ARHGAP26: variants seen among roughly 807,000 people sequenced by gnomAD.
The protein encoded by ARHGAP26 is Rho GTPase activating protein 26, also known as rho GTPase-activating protein 26.
In ARHGAP26, 38 loss-of-function variants were observed where a neutral mutation model predicts 104.8. That is an observed-to-expected ratio of 0.36 (90% CI 0.28 to 0.48). The LOEUF is 0.48. ARHGAP26 is among the 20% of genes least tolerant of loss of function. The pLI, the probability that ARHGAP26 is intolerant of heterozygous loss-of-function variation, is 0.99. For missense variants in ARHGAP26, 704 were observed against 947.9 expected (o/e 0.74, Z 3.38); for synonymous variants, 341 against 340.0 (o/e 1.00, Z -0.03).
chr5:142,844,411 CT>C (rs773157121), intron 1 of ARHGAP26, among the ~76,000 whole-genome samples: 3,627 of 143,972 alleles, frequency 0.025, 150 homozygotes, highest in African/African-American at 0.085. Context: ...AGTTTTAAAG[CT>C]TTTTTTTTTT....
At chr5:142,818,639 T>C (rs1177675273) in intron 1 of ARHGAP26, among the ~76,000 whole-genome samples, 1 of 152,198 alleles carries the variant, frequency 6.6e-6, no homozygotes, top group East Asian at 1.9e-4. Flanking sequence ...TTTCCTCATG[T>C]ATAAAATGAG....
At chr5:143,188,415 G>A (rs1805456964) in intron 20 of ARHGAP26, among the ~76,000 whole-genome samples, 1 of 152,178 alleles carries the variant, frequency 6.6e-6, no homozygotes, top group South Asian at 2.1e-4. Context: ...TTGCCATTTT[G>A]TAAAGTACAT....
chr5:143,136,217 G>C (rs555546305), intron 19 of ARHGAP26, among the ~76,000 whole-genome samples: 14 of 152,230 alleles, frequency 9.2e-5, no homozygotes, highest in Non-Finnish European at 1.8e-4. Context: ...GAGAAAATCA[G>C]CTAGATCTTT....
chr5:143,108,433 A>G (rs566198479), intron 17 of ARHGAP26, among the ~76,000 whole-genome samples: 21 of 152,262 alleles, frequency 1.4e-4, no homozygotes, highest in Admixed American at 3.3e-4. Flanking sequence ...GACACCATAC[A>G]TTACTGTTTT....
intron 20 of ARHGAP26, among the ~76,000 whole-genome samples, chr5:143,181,091 C>T (rs1804268291): frequency 6.6e-6 from 1 of 152,222 alleles, no homozygotes; most frequent in Non-Finnish European, 1.5e-5. Flanking sequence ...ACTGCCACCA[C>T]CTCAGCCCAA....
At chr5:142,774,811 G>T (rs1435081511) in intron 1 of ARHGAP26, among the ~76,000 whole-genome samples, 2 of 152,088 alleles carry the variant, frequency 1.3e-5, no homozygotes, top group Non-Finnish European at 2.9e-5. Flanking sequence ...TTTCCAGAAT[G>T]TCATGTAGTT....
intron 21 of ARHGAP26, among the ~76,000 whole-genome samples, chr5:143,210,691 T>C (rs1015542628): frequency 2.0e-5 from 3 of 152,216 alleles, no homozygotes; most frequent in African/African-American, 7.2e-5. Context: ...CACCTGCCAG[T>C]CTAGCTGGTC....
intron 12 of ARHGAP26, among the ~76,000 whole-genome samples, chr5:143,015,499 A>G (rs1779467600): frequency 6.6e-6 from 1 of 152,210 alleles, no homozygotes; most frequent in Admixed American, 6.5e-5. Context: ...TTTCCAGGCA[A>G]CAAGTTGGTC....
chr5:143,027,614 A>T (rs1389295310), intron 12 of ARHGAP26, among the ~76,000 whole-genome samples: 1 of 152,170 alleles, frequency 6.6e-6, no homozygotes, highest in Non-Finnish European at 1.5e-5. Flanking sequence ...AAATCAGTAG[A>T]TTTCTAATAT....
chr5:142,913,449 A>G (rs1043808631), intron 10 of ARHGAP26, among the ~76,000 whole-genome samples, 156 bp downstream of exon 10: 1 of 126,400 alleles, frequency 7.9e-6, no homozygotes, highest in Non-Finnish European at 1.6e-5. Flanking sequence ...TTCTCCATCC[A>G]TTCATCTATG....
At chr5:142,914,609 G>C (rs892430797) in intron 10 of ARHGAP26, among the ~76,000 whole-genome samples, 9 of 152,078 alleles carry the variant, frequency 5.9e-5, no homozygotes, top group African/African-American at 2.2e-4. Context: ...CCTCAGACTT[G>C]GTATTTCACT....
At chr5:142,809,679 G>C (rs1013875286) in intron 1 of ARHGAP26, among the ~76,000 whole-genome samples, 1 of 152,180 alleles carries the variant, frequency 6.6e-6, no homozygotes, top group African/African-American at 2.4e-5. Context: ...TAATCTTACA[G>C]TCATGCTTTC....
intron 14 of ARHGAP26, among the ~76,000 whole-genome samples, chr5:143,043,216 C>T (rs1237768937): frequency 6.6e-6 from 1 of 152,218 alleles, no homozygotes; most frequent in Non-Finnish European, 1.5e-5. Context: ...CACCCTGTGC[C>T]TAACCCCTGG....
chr5:143,111,476 C>T (rs1475954494), intron 17 of ARHGAP26, among the ~76,000 whole-genome samples: 3 of 152,136 alleles, frequency 2.0e-5, no homozygotes, highest in Non-Finnish European at 4.4e-5. Flanking sequence ...ATGGAATTTC[C>T]CTCCTAGGGT....
At chr5:142,868,750 T>G (rs1754764509) in intron 1 of ARHGAP26, 2 of 152,082 alleles carry the variant, frequency 1.3e-5, no homozygotes, top group Admixed American at 6.6e-5. Context: ...AGAGAGAGTT[T>G]TGTTTTGAGT....
intron 1 of ARHGAP26, among the ~76,000 whole-genome samples, chr5:142,784,239 G>A (rs1055211691): frequency 6.6e-6 from 1 of 152,212 alleles, no homozygotes; most frequent in South Asian, 2.1e-4. Context: ...CCCCAGCAGG[G>A]AAGCTCTGCT....
At chr5:142,945,989 T>C (rs26698) in intron 11 of ARHGAP26, among the ~76,000 whole-genome samples, 73,255 of 152,038 alleles carry the variant, frequency 0.48, 21,715 homozygotes, top group East Asian at 0.91. Context: ...ACATCACCAC[T>C]AGCTGATGTC....
rs1395706536 is a variant in ARHGAP26 at position 142,791,105 on chromosome 5, A to G, written c.154+20190A>G. Among the ~76,000 whole-genome samples, 8 of 148,244 alleles carry G rather than the reference A, an allele frequency of 5.4e-5. No individual in the cohort carries two copies. The East Asian group carries it at 1.4e-3, about 25-fold the overall frequency. On this transcript the variant is annotated intron_variant, in intron 1 of 22. Coordinates refer to ENST00000645722, the MANE Select transcript of ARHGAP26 (RefSeq NM_001135608.3). ...AAGTTTTTTTTTTTTTTTGAGACAG[A>G]GTCTCGCTCTGTTGCCAGGCTGGAG...
At chr5:143,011,691 T>G (rs1264879079) in intron 11 of ARHGAP26, among the ~76,000 whole-genome samples, 1 of 152,152 alleles carries the variant, frequency 6.6e-6, no homozygotes, top group East Asian at 1.9e-4. Context: ...GCTGTGTGGC[T>G]CAATTTGGAA....
Sources: allele counts gnomAD v4.1 joint callset (sites outside exome capture counted in the v4.1 genomes callset), GRCh38; gene constraint gnomAD v4.1.1; transcripts MANE v1.5; gene names NCBI Gene and HGNC (gene_info 2026-07-23, HGNC 2026-07-21).